Variants in CRTAC1 observed in about 807,000 individuals in gnomAD.
CRTAC1 encodes acidic secreted protein in cartilage.
A neutral mutation model predicts 67.8 loss-of-function variants in CRTAC1; 37 were observed. That is an observed-to-expected ratio of 0.55 (90% CI 0.42 to 0.72). CRTAC1 has a LOEUF of 0.72. CRTAC1 is among the 30% of genes least tolerant of loss of function. CRTAC1 has a pLI of 0.00. For missense variants in CRTAC1, 780 were observed against 931.6 expected, an observed-to-expected ratio of 0.84 and a Z score of 2.12; for synonymous variants, 348 against 371.0, an observed-to-expected ratio of 0.94 and a Z score of 0.71.
At chr10:97,962,462 CATA>C (rs1326738036) in intron 2 of CRTAC1, among the ~76,000 whole-genome samples, 2 of 152,222 alleles carry the variant, frequency 1.3e-5, no homozygotes, top group African/African-American at 4.8e-5. Context: ...CATTTCAGAA[CATA>C]ATATTATTAG....
At chr10:97,928,721 G>T (rs997935421) in intron 3 of CRTAC1, among the ~76,000 whole-genome samples, 1 of 152,086 alleles carries the variant, frequency 6.6e-6, no homozygotes, top group Non-Finnish European at 1.5e-5. Flanking sequence ...GGACTGGAAG[G>T]GTCAGAGTAA....
Position 97,877,374 on chromosome 10 carries a change from G to A in CRTAC1, c.1819+2875C>T, listed in dbSNP as rs575345103. On this transcript the variant is annotated intron_variant, in intron 14 of 14. Transcript: ENST00000370597. The stretch of plus-strand genomic sequence containing the variant: ...TACCTAGAGCGTAGCTCAGTACCTG[G>A]CACATAATAGGTGCTCAACAAATAT... Among the ~76,000 whole-genome samples the A allele has an allele frequency of 2.0e-5, 3 of 152,276 alleles. No individual in the cohort carries two copies. In the East Asian group the frequency reaches 5.8e-4, roughly 29 times the overall value.
At chr10:97,939,025 G>T (rs774202806) in intron 2 of CRTAC1, among the ~76,000 whole-genome samples, 5 of 152,170 alleles carry the variant, frequency 3.3e-5, no homozygotes, top group Admixed American at 6.5e-5. Context: ...CTTATGAGAC[G>T]ATCAGAGCAG....
chr10:97,866,571 T>C (rs991528544), intron 14 of CRTAC1: 1 of 152,230 alleles, frequency 6.6e-6, no homozygotes, highest in Non-Finnish European at 1.5e-5. Flanking sequence ...TGCGTAAATG[T>C]GTGAGTCTGC....
chr10:97,880,624 C>T (rs1035811442), intron 13 of CRTAC1, among the ~76,000 whole-genome samples: 4 of 152,246 alleles, frequency 2.6e-5, no homozygotes, highest in East Asian at 1.9e-4. Context: ...CTACTACAAT[C>T]GTTCTAGGTG....
rs184312229 is a variant in CRTAC1 at position 97,886,925 on chromosome 10, G to A, written c.1487-2574C>T. On this transcript the variant is annotated intron_variant, in intron 11 of 14. Coordinates refer to ENST00000370597, the MANE Select transcript of CRTAC1 (RefSeq NM_018058.7). ...TTCTTAAAGTGTTGGGATTACAGAC[G>A]TGACCCACCACACCCGGCCAGATTT... Among the ~76,000 whole-genome samples, 599 of 151,242 alleles carry A rather than the reference G, an allele frequency of 4.0e-3. 2 individuals are homozygous for A. The highest frequency in any genetic ancestry group is 0.014 in the African/African-American group (570 of 41,216).
chr10:97,901,535 G>A lies in CRTAC1; in HGVS notation c.1101C>T (p.Ala367=), dbSNP rs528317419. ...GGCGGTTGGCTGAGGAGCTGCGGTA[G>A]GCAATGTTGTTGAAGAAGATCTCCA... The part of the protein sequence containing the change: ...QELEIFFNNI[A]YRSSSANRLF... Residue 367 remains alanine, a synonymous_variant, in exon 8 of 15, where the codon GCC becomes GCT. Coordinates refer to ENST00000370597, the MANE Select transcript of CRTAC1 (RefSeq NM_018058.7). 55 of 1,614,226 alleles carry A rather than the reference G, an allele frequency of 3.4e-5. 1 individual carries two copies. The South Asian group carries it at 5.4e-4, about 16-fold the overall frequency.
intron 2 of CRTAC1, among the ~76,000 whole-genome samples, chr10:98,002,425 T>G (rs1176896668): frequency 6.6e-6 from 1 of 152,174 alleles, no homozygotes; most frequent in African/African-American, 2.4e-5. Context: ...GAGAGGCCTC[T>G]GTCCCCTTGG....
chr10:97,948,108 C>CAAAAAA (rs34814982), intron 2 of CRTAC1, among the ~76,000 whole-genome samples: 2 of 129,724 alleles, frequency 1.5e-5, no homozygotes, highest in African/African-American at 5.6e-5. Flanking sequence ...TGAATTATTG[C>CAAAAAA]AAAAAAAAAA....
At chr10:98,015,529 T>C (rs912310239) in intron 1 of CRTAC1, among the ~76,000 whole-genome samples, 1 of 152,156 alleles carries the variant, frequency 6.6e-6, no homozygotes, top group Non-Finnish European at 1.5e-5. Context: ...TTCATCACAA[T>C]AAAAAAATAC....
intron 2 of CRTAC1, among the ~76,000 whole-genome samples, chr10:98,000,124 T>C (rs570681793): frequency 2.0e-5 from 3 of 152,296 alleles, no homozygotes; most frequent in African/African-American, 7.2e-5. Flanking sequence ...CTTGTCTGAC[T>C]ACCTCATTCT....
intron 13 of CRTAC1, among the ~76,000 whole-genome samples, chr10:97,882,284 C>T (rs755304750): frequency 2.8e-4 from 42 of 152,168 alleles, no homozygotes; most frequent in Non-Finnish European, 1.6e-4. Flanking sequence ...GTTCTTGGAC[C>T]GTCAAGGAGC....
At chr10:97,876,960 T>G (rs1323543906) in intron 14 of CRTAC1, among the ~76,000 whole-genome samples, 1 of 142,896 alleles carries the variant, frequency 7.0e-6, no homozygotes, top group African/African-American at 2.6e-5. Flanking sequence ...TTTTTTTTTT[T>G]TTTTTTTTTT....
rs1452273403 is a variant in CRTAC1 at position 97,880,116 on chromosome 10, A to G, written c.1819+133T>C. On this transcript the variant is annotated intron_variant, in intron 14 of 14. Transcript: ENST00000370597. ...TGTCATGGTCTTCCCTGGAGACCCA[A>G]TATGGGTCAAAGGAGACTCTATCCA... The G allele has an allele frequency of 4.7e-5, 50 of 1,067,526 alleles. 1 individual carries two copies. The South Asian group carries it at 5.8e-4, about 12-fold the overall frequency. The allele number at this position is 1,067,526 out of a possible 1,614,324, so 66.1% of individuals were successfully genotyped here.
chr10:97,876,239 T>C (rs1464524740), intron 14 of CRTAC1, among the ~76,000 whole-genome samples: 1 of 152,226 alleles, frequency 6.6e-6, no homozygotes, highest in Non-Finnish European at 1.5e-5. Flanking sequence ...TTCGTCTGTC[T>C]GGGCTGTATG....
At chr10:97,929,611 G>T (rs1330014185) in intron 3 of CRTAC1, among the ~76,000 whole-genome samples, 1 of 152,216 alleles carries the variant, frequency 6.6e-6, no homozygotes, top group Non-Finnish European at 1.5e-5. Context: ...CCTCTAGGTG[G>T]ATCTTGGGCA....
chr10:97,876,272 T>G (rs149524960), intron 14 of CRTAC1, among the ~76,000 whole-genome samples: 1 of 152,212 alleles, frequency 6.6e-6, no homozygotes, highest in African/African-American at 2.4e-5. Flanking sequence ...CCATTTAGCT[T>G]ATCTGTAAAC....
intron 3 of CRTAC1, among the ~76,000 whole-genome samples, chr10:97,933,734 A>G (rs2051038976): frequency 6.6e-6 from 1 of 152,218 alleles, no homozygotes; most frequent in Admixed American, 6.5e-5. Flanking sequence ...CTCAGTAAAT[A>G]TTTGTCCAAT....
intron 5 of CRTAC1, 116 bp from the exon 6 acceptor site, chr10:97,908,263 T>C (rs2050642290): frequency 2.7e-6 from 3 of 1,113,278 alleles, no homozygotes; most frequent in Non-Finnish European, 3.9e-6. Context: ...CAGAGGAGCC[T>C]GGGGGGAATT....
Sources: gnomAD v4.1 joint callset for allele counts (sites outside exome capture counted in the v4.1 genomes callset) on GRCh38, gnomAD v4.1.1 for gene constraint, MANE v1.5 for transcripts, NCBI Gene and HGNC (gene_info 2026-07-23, HGNC 2026-07-21) for gene names.